The following TTBK2 variants were observed in gnomAD, a reference collection of about 807,000 sequenced individuals.
TTBK2 encodes the protein tau-tubulin kinase 2.
TTBK2 carries 28 observed loss-of-function variants against 110.8 expected under a neutral mutation model. That is an observed-to-expected ratio of 0.25 (90% CI 0.19 to 0.35). The LOEUF (loss-of-function observed/expected upper bound fraction) is 0.35, where lower values mean the gene tolerates loss of function less well. Among genes scored for constraint, TTBK2 ranks in the 10% least tolerant of loss-of-function variants. The pLI, the probability that TTBK2 is intolerant of heterozygous loss-of-function variation, is 1.00. For missense variants in TTBK2, 1,369 were observed against 1,500.3 expected (o/e 0.91, Z 1.45); for synonymous variants, 532 against 527.3 (o/e 1.01, Z -0.12).
chr15:42,782,315 G>A (rs1418911678), intron 11 of TTBK2, among the ~76,000 whole-genome samples: 1 of 152,030 alleles, frequency 6.6e-6, no homozygotes, highest in African/African-American at 2.4e-5. Context: ...CAGGTGATCC[G>A]CCCACCTTGG....
chr15:42,847,089 G>A (rs1387499380), intron 3 of TTBK2, among the ~76,000 whole-genome samples: 2 of 152,116 alleles, frequency 1.3e-5, no homozygotes, highest in African/African-American at 4.8e-5. Flanking sequence ...CCAAGGAGGG[G>A]GGAATCAAGG....
chr15:42,774,843 A>T lies in TTBK2; in HGVS notation c.1998+292T>A, dbSNP rs375340376. Among the ~76,000 whole-genome samples, 14 of 152,376 alleles carry T rather than the reference A, an allele frequency of 9.2e-5. No homozygotes were observed. The East Asian group carries it at 2.3e-3, about 25-fold the overall frequency. On this transcript the variant is annotated intron_variant, in intron 13 of 14. Coordinates refer to ENST00000267890, the MANE Select transcript of TTBK2 (RefSeq NM_173500.4). The stretch of plus-strand genomic sequence containing the variant: ...GCTAGGAACTTCAAAAAATTGTAAC[A>T]TATATAAACACACATAGATAGCTAG...
At chr15:42,776,297 G>A (rs1218239985) in intron 12 of TTBK2, among the ~76,000 whole-genome samples, 1 of 152,064 alleles carries the variant, frequency 6.6e-6, no homozygotes, top group Non-Finnish European at 1.5e-5. Context: ...ACCATTGAAG[G>A]GCATGACTAC....
chr15:42,746,237 A>T lies in TTBK2; in HGVS notation c.3293T>A (p.Leu1098Gln), dbSNP rs1484983255. The T allele has an allele frequency of 6.2e-7, 1 of 1,613,380 alleles. No homozygotes were observed. Among genetic ancestry groups the T allele is most frequent in the Non-Finnish European group, 8.5e-7 (1 of 1,179,368 alleles). ...VEARLRRYKV[L>Q]GSSNSDSDLF... ...GTCTGAGTCGGAGTTACTACTCCCT[A>T]GGACTTTATATCTGCGTAGCCTTAA... The change falls in exon 15 of 15, where the codon CTA becomes CAA. Residue 1098 changes from leucine to glutamine, a missense_variant. Coordinates refer to ENST00000267890, the MANE Select transcript of TTBK2 (RefSeq NM_173500.4).
chr15:42,840,543 G>A (rs1283781562), intron 3 of TTBK2, 110 bp from the exon 4 acceptor site: 1 of 993,570 alleles, frequency 1.0e-6, no homozygotes, highest in Admixed American at 1.7e-5. Context: ...AATACATCTT[G>A]AGAACCTTAA....
intron 10 of TTBK2, among the ~76,000 whole-genome samples, chr15:42,786,458 A>G (rs1047719549): frequency 6.6e-6 from 1 of 152,194 alleles, no homozygotes; most frequent in Non-Finnish European, 1.5e-5. Context: ...GAACTCAAGA[A>G]GCTTAGTCTA....
At chr15:42,842,721 TAA>T (rs201241380) in intron 3 of TTBK2, among the ~76,000 whole-genome samples, 41 of 133,742 alleles carry the variant, frequency 3.1e-4, no homozygotes, top group Non-Finnish European at 2.9e-4. Context: ...CCCCTTCCCC[TAA>T]AAAAAAAAAA....
At chr15:42,831,022 ATG>A (rs67420749) in intron 4 of TTBK2, among the ~76,000 whole-genome samples, 41,052 of 145,022 alleles carry the variant, frequency 0.28, 7,691 homozygotes, top group African/African-American at 0.55. Context: ...AAATGTATAT[ATG>A]TGTGTGTGTG....
At chr15:42,792,596 G>A (rs562334281) in intron 10 of TTBK2, among the ~76,000 whole-genome samples, 46 of 151,970 alleles carry the variant, frequency 3.0e-4, no homozygotes, top group Non-Finnish European at 5.9e-4. Context: ...TTTTGGGATC[G>A]AAAGACAGCT....
In TTBK2 at chr15:42,752,635, C is replaced by T. The variant is rs908777505; in HGVS notation, c.2611G>A (p.Ala871Thr). 6.2e-7 allele frequency: 1 copy of T among 1,614,118 alleles called. No homozygotes were observed. Among genetic ancestry groups the T allele is most frequent in the African/African-American group, 1.3e-5 (1 of 75,030 alleles). The part of the protein sequence containing the change: ...PHVEGQIGQV[A>T]EMQKNKISKD... ...GATATCTTATTTTTTTGCATTTCTG[C>T]CACTTGGCCTATCTGACCTTCAACA... Residue 871 changes from alanine to threonine, a missense_variant, in exon 14 of 15, where the codon GCA becomes ACA. By Grantham distance (58) the Ala-to-Thr change is moderately conservative (BLOSUM62 0). This residue lies in a region of TTBK2 where 1,097 missense variants were observed against 1,114.7 expected (regional missense o/e 0.98). Transcript: ENST00000267890.
intron 2 of TTBK2, among the ~76,000 whole-genome samples, chr15:42,874,997 A>T (rs962709394): frequency 3.3e-5 from 5 of 151,892 alleles, no homozygotes; most frequent in Admixed American, 2.0e-4. Context: ...AAAAAAAAAA[A>T]ATTGATACTT....
intron 13 of TTBK2, among the ~76,000 whole-genome samples, chr15:42,755,265 C>T (rs535316097): frequency 6.6e-6 from 1 of 151,858 alleles, no homozygotes; most frequent in Non-Finnish European, 1.5e-5. Context: ...TTAATGAGAC[C>T]CATTAAGTTC....
intron 1 of TTBK2, among the ~76,000 whole-genome samples, chr15:42,901,530 C>T (rs2030007985): frequency 6.6e-6 from 1 of 151,342 alleles, no homozygotes; most frequent in South Asian, 2.1e-4. Flanking sequence ...GCCTGTAGTC[C>T]CAGCTACTTG....
At chr15:42,872,862 T>A in intron 2 of TTBK2, 104 bp from the exon 3 acceptor site, 1 of 1,369,732 alleles carries the variant, frequency 7.3e-7, no homozygotes, top group Non-Finnish European at 9.9e-7. Context: ...TATAATCTGT[T>A]TTTTGATAAA....
At chr15:42,776,915 G>T in intron 12 of TTBK2, 116 bp downstream of exon 12, 1 of 1,126,094 alleles carries the variant, frequency 8.9e-7, no homozygotes. Flanking sequence ...AAAAATGCAA[G>T]GATTTCTTAT....
At chr15:42,823,724 A>T (rs1567044655) in intron 6 of TTBK2, among the ~76,000 whole-genome samples, 3 of 146,816 alleles carry the variant, frequency 2.0e-5, no homozygotes, top group African/African-American at 7.6e-5. Context: ...CCTAAACATT[A>T]TTTTTTTTGT....
In TTBK2 at chr15:42,815,958, A is replaced by AAAAATATATATATATAT. The variant is rs71108183; in HGVS notation, c.603+1073_603+1074insATATATATATATATTTT. 2.4e-3 allele frequency among the ~76,000 whole-genome samples: 221 copies of AAAAATATATATATATAT among 91,668 alleles called. 5 individuals carry two copies. The highest frequency in any genetic ancestry group is 4.4e-3 in the African/African-American group (71 of 16,138). The allele number at this position is 91,668 out of a possible 152,430, so 60.1% of individuals were successfully genotyped here. A position where few individuals can be genotyped will look rare whatever the true frequency, so the allele number is the denominator to read the frequency against. On this transcript the variant is annotated intron_variant, in intron 7 of 14. Coordinates refer to ENST00000267890, the MANE Select transcript of TTBK2 (RefSeq NM_173500.4). Reference sequence around the variant, plus strand: ...TATATATATATATATTTAAAAAAAAAATATATATATATATATATATTTGAG... The same window carrying AAAAATATATATATATAT: ...TATATATATATATATTTAAAAAAAAAAAAATATATATATATATATATATATATATATATATATTTGAG...
chr15:42,781,038 G>A (rs776733501), intron 11 of TTBK2, among the ~76,000 whole-genome samples: 8 of 151,918 alleles, frequency 5.3e-5, no homozygotes, highest in Admixed American at 1.3e-4. Flanking sequence ...ACATAAAGAC[G>A]TAAGATTGTC....
At chr15:42,784,366 C>G (rs1199894200) in intron 10 of TTBK2, among the ~76,000 whole-genome samples, 1 of 152,046 alleles carries the variant, frequency 6.6e-6, no homozygotes, top group East Asian at 1.9e-4. Context: ...AAACCTCCAC[C>G]TCTCGGATTC....
Sources: allele counts gnomAD v4.1 joint callset (sites outside exome capture counted in the v4.1 genomes callset), GRCh38; gene constraint gnomAD v4.1.1; regional missense constraint gnomAD v4.1.1; transcripts MANE v1.5; gene names NCBI Gene and HGNC (gene_info 2026-07-23, HGNC 2026-07-21).